HACD3: variants seen among roughly 807,000 people sequenced by gnomAD.
HACD3 encodes 3-hydroxyacyl-CoA dehydratase 3.
HACD3 carries 30 observed loss-of-function variants against 55.2 expected under a neutral mutation model. The observed-to-expected ratio is 0.54, with a 90% CI of 0.41 to 0.74. The LOEUF (loss-of-function observed/expected upper bound fraction) is 0.74, where lower values mean the gene tolerates loss of function less well. Ranked by LOEUF, HACD3 falls within the 30% of genes least tolerant of loss-of-function variation. HACD3 has a pLI of 0.00. For missense variants in HACD3, 363 were observed against 440.1 expected, an observed-to-expected ratio of 0.82 and a Z score of 1.57; for synonymous variants, 141 against 151.7, an observed-to-expected ratio of 0.93 and a Z score of 0.52.
chr15:65,566,892 T>G (rs530665173), intron 7 of HACD3: 107 of 152,322 alleles, frequency 7.0e-4, no homozygotes, highest in African/African-American at 2.5e-3. Flanking sequence ...ACTAGGGAAA[T>G]TTGACTCTTA....
chr15:65,549,234 T>C (rs2072107090), intron 1 of HACD3, among the ~76,000 whole-genome samples: 1 of 152,048 alleles, frequency 6.6e-6, no homozygotes, highest in East Asian at 1.9e-4. Flanking sequence ...GAACATTTGC[T>C]CAACTAAGTG....
intron 1 of HACD3, among the ~76,000 whole-genome samples, chr15:65,535,289 A>C: frequency 6.6e-6 from 1 of 152,240 alleles, no homozygotes. Flanking sequence ...TTTGCAGTGC[A>C]TATCATTGAG....
intron 1 of HACD3, 64 bp from the exon 2 acceptor site, chr15:65,551,612 T>A: frequency 6.3e-7 from 1 of 1,586,374 alleles, no homozygotes; most frequent in Non-Finnish European, 8.7e-7. Context: ...AAGAAGCCCC[T>A]TGTTTAATCT....
intron 5 of HACD3, among the ~76,000 whole-genome samples, chr15:65,562,334 A>G (rs928044052): frequency 1.3e-5 from 2 of 152,226 alleles, no homozygotes; most frequent in Admixed American, 1.3e-4. Context: ...AGCTGAAAGG[A>G]AGGCAGGGAA....
In HACD3 at chr15:65,554,818, C is replaced by T. The variant is rs115613272; in HGVS notation, c.131-69C>T. On this transcript the variant is annotated intron_variant, in intron 2 of 10. Transcript: ENST00000261875. ...TATTCGCATACTTGGGAAAGAACTGCACCAAGCTGGCTTTTGGATGGCCTT... is the reference window on the plus strand; with the variant it reads ...TATTCGCATACTTGGGAAAGAACTGTACCAAGCTGGCTTTTGGATGGCCTT... The T allele has an allele frequency of 1.7e-3, 1,845 of 1,101,208 alleles. 22 individuals carry two copies. In the African/African-American group the frequency reaches 0.025, roughly 15 times the overall value. 68.2% of individuals were successfully genotyped at this position (1,101,208 alleles called of 1,614,324 possible). A position where few individuals can be genotyped will look rare whatever the true frequency, so the allele number is the denominator to read the frequency against.
intron 1 of HACD3, among the ~76,000 whole-genome samples, chr15:65,539,089 T>A (rs2071992712): frequency 6.6e-6 from 1 of 152,088 alleles, no homozygotes; most frequent in African/African-American, 2.4e-5. Context: ...GAACAGAACC[T>A]ACAATAGCTC....
At chr15:65,570,755 A>G (rs954672298) in intron 8 of HACD3, among the ~76,000 whole-genome samples, 14 of 152,146 alleles carry the variant, frequency 9.2e-5, no homozygotes, top group African/African-American at 3.4e-4. Flanking sequence ...CACACTCCAT[A>G]TGTCTTCCCT....
intron 1 of HACD3, chr15:65,534,486 T>C (rs1277895328): frequency 2.0e-5 from 3 of 152,198 alleles, no homozygotes; most frequent in African/African-American, 7.2e-5. Context: ...CAAGATTGAA[T>C]TTACTTTCAC....
intron 1 of HACD3, among the ~76,000 whole-genome samples, chr15:65,541,339 T>C (rs2141206566): frequency 6.6e-6 from 1 of 152,336 alleles, no homozygotes; most frequent in South Asian, 2.1e-4. Flanking sequence ...TGAGTATTTT[T>C]AATTTATTGA....
chr15:65,531,232 C>T (rs937317138), intron 1 of HACD3: 1 of 152,454 alleles, frequency 6.6e-6, no homozygotes, highest in Non-Finnish European at 1.5e-5. Flanking sequence ...GGTGGGGGGC[C>T]ACACCCACCT....
At position 65,530,480 on chromosome 15, in the gene HACD3, G is replaced by C. The variant is rs2071883871; in HGVS notation, c.-152G>C. On this transcript the variant is annotated 5_prime_UTR_variant, in exon 1 of 11. Coordinates refer to ENST00000261875, the MANE Select transcript of HACD3 (RefSeq NM_016395.4). ...CCCGGCGCGTCACTGCGCAGGCGCG[G>C]CCCGCGAGCGTGGGGTATCTCGAGG... 6.6e-6 allele frequency: 4 copies of C among 608,522 alleles called. No individual in the cohort carries two copies. Among genetic ancestry groups the C allele is most frequent in the Non-Finnish European group, 1.0e-5 (4 of 384,824 alleles). The allele number at this position is 608,522 out of a possible 1,614,324, so 37.7% of individuals were successfully genotyped here.
intron 10 of HACD3, among the ~76,000 whole-genome samples, chr15:65,575,189 T>G (rs113384480): frequency 0.22 from 29,718 of 133,002 alleles, 3,187 homozygotes; most frequent in African/African-American, 0.38. Context: ...GACTTTTTAG[T>G]TTTTTTTTTT....
intron 6 of HACD3, 134 bp downstream of exon 6, chr15:65,563,018 G>T: frequency 1.5e-6 from 2 of 1,323,718 alleles, no homozygotes; most frequent in South Asian, 1.5e-5. Flanking sequence ...TTTTCGTTGT[G>T]CTTTCATAGC....
intron 1 of HACD3, among the ~76,000 whole-genome samples, chr15:65,544,812 G>A (rs530767695): frequency 2.6e-5 from 4 of 152,102 alleles, no homozygotes; most frequent in Middle Eastern, 6.8e-3. Context: ...ACCAGAGGTC[G>A]GGAGTTTGAG....
At position 65,571,664 on chromosome 15, in the gene HACD3, G is replaced by A. The variant is rs773536117; in HGVS notation, c.880+10G>A. 147 of 1,596,626 alleles carry A rather than the reference G, an allele frequency of 9.2e-5. No individual in the cohort carries two copies. Among genetic ancestry groups the A allele is most frequent in the Non-Finnish European group, 1.2e-4 (140 of 1,164,540 alleles). On this transcript the variant is annotated intron_variant, in intron 9 of 10. Coordinates refer to ENST00000261875, the MANE Select transcript of HACD3 (RefSeq NM_016395.4). ...GGATGTTTGGCGGAAGGTACTCTCAGGGACTCTTAGCTTTCATAGCTTAGC... is the reference window on the plus strand; with the variant it reads ...GGATGTTTGGCGGAAGGTACTCTCAAGGACTCTTAGCTTTCATAGCTTAGC...
intron 5 of HACD3, among the ~76,000 whole-genome samples, chr15:65,560,678 C>T (rs763064799): frequency 6.6e-6 from 1 of 151,986 alleles, no homozygotes; most frequent in Non-Finnish European, 1.5e-5. Context: ...GTGGCACAGA[C>T]CTGTAGAACT....
intron 1 of HACD3, among the ~76,000 whole-genome samples, chr15:65,532,819 A>G (rs1306263150): frequency 6.6e-6 from 1 of 152,138 alleles, no homozygotes; most frequent in Non-Finnish European, 1.5e-5. Flanking sequence ...TGTGTTAGCA[A>G]TCCTCTAACA....
At chr15:65,558,947 A>G (rs1225844029) in intron 5 of HACD3, among the ~76,000 whole-genome samples, 2 of 152,192 alleles carry the variant, frequency 1.3e-5, no homozygotes, top group South Asian at 4.1e-4. Flanking sequence ...TTGTTATTTC[A>G]TGAGTACACC....
At chr15:65,555,074 A>C in intron 3 of HACD3, 114 bp downstream of exon 3, 1 of 821,076 alleles carries the variant, frequency 1.2e-6, no homozygotes, top group Non-Finnish European at 2.0e-6. Flanking sequence ...AAAGGGGAAT[A>C]ATAGAGTTCT....
Sources: gnomAD v4.1 joint callset for allele counts (sites outside exome capture counted in the v4.1 genomes callset) on GRCh38, gnomAD v4.1.1 for gene constraint, MANE v1.5 for transcripts, NCBI Gene and HGNC (gene_info 2026-07-23, HGNC 2026-07-21) for gene names.